TRIM44: variants seen among roughly 807,000 people sequenced by gnomAD.
The protein encoded by TRIM44 is tripartite motif containing 44, also known as tripartite motif-containing protein 44.
In TRIM44, 13 loss-of-function variants were observed where a neutral mutation model predicts 37.4. The observed-to-expected ratio is 0.35, with a 90% CI of 0.23 to 0.55. The LOEUF (loss-of-function observed/expected upper bound fraction) is 0.55, where lower values mean the gene tolerates loss of function less well. Ranked by LOEUF, TRIM44 falls within the 20% of genes least tolerant of loss-of-function variation. The pLI is 0.89. For synonymous variants in TRIM44, 175 were observed against 157.2 expected (o/e 1.11, Z -0.85); for missense variants, 426 against 437.2 (o/e 0.97, Z 0.23).
chr11:35,777,012 T>A (rs1359167406), intron 4 of TRIM44, among the ~76,000 whole-genome samples: 4 of 152,194 alleles, frequency 2.6e-5, no homozygotes, highest in Admixed American at 6.5e-5. Flanking sequence ...GATATCCTTG[T>A]TAACCTTCTG....
chr11:35,748,477 A>G lies in TRIM44; in HGVS notation c.1007+13032A>G, dbSNP rs151303660. On this transcript the variant is annotated intron_variant, in intron 4 of 4. Transcript: ENST00000299413. Reference sequence around the variant, plus strand: ...CAAAACAATTTAGGAAAAACATGCTATTAATATTCTCATAACAGACTCAGA... The same window carrying G: ...CAAAACAATTTAGGAAAAACATGCTGTTAATATTCTCATAACAGACTCAGA... Among the ~76,000 whole-genome samples the G allele has an allele frequency of 1.8e-3, 280 of 152,320 alleles. 2 individuals are homozygous for G. Among genetic ancestry groups the G allele is most frequent in the African/African-American group, 6.5e-3 (269 of 41,572 alleles).
intron 4 of TRIM44, among the ~76,000 whole-genome samples, chr11:35,785,627 T>C (rs1853121587): frequency 1.3e-5 from 2 of 152,236 alleles, no homozygotes; most frequent in African/African-American, 4.8e-5. Context: ...CTGATTCTCC[T>C]TCAGTTTGCT....
intron 4 of TRIM44, among the ~76,000 whole-genome samples, chr11:35,736,875 A>G (rs959284512): frequency 7.2e-5 from 11 of 152,012 alleles, no homozygotes; most frequent in Admixed American, 1.3e-4. Flanking sequence ...CCTTTTGTTC[A>G]TTTAACATAT....
chr11:35,720,430 CT>C (rs151193094), intron 2 of TRIM44, among the ~76,000 whole-genome samples: 2 of 144,622 alleles, frequency 1.4e-5, no homozygotes, highest in Non-Finnish European at 1.5e-5. Flanking sequence ...TTTTTTTTTC[CT>C]TTTTTTTTGG....
chr11:35,779,524 C>G (rs577311553), intron 4 of TRIM44, among the ~76,000 whole-genome samples: 1 of 152,176 alleles, frequency 6.6e-6, no homozygotes. Flanking sequence ...CTATTGCTCA[C>G]GCTGGGAGCT....
chr11:35,759,743 G>A (rs369470869), intron 4 of TRIM44, among the ~76,000 whole-genome samples: 1 of 152,184 alleles, frequency 6.6e-6, no homozygotes, highest in South Asian at 2.1e-4. Flanking sequence ...AGGTCTGTTG[G>A]AGTTTCCTGG....
At chr11:35,734,769 T>C (rs1308397360) in intron 3 of TRIM44, among the ~76,000 whole-genome samples, 3 of 152,104 alleles carry the variant, frequency 2.0e-5, no homozygotes, top group Admixed American at 2.0e-4. Context: ...TTTTGAAAAG[T>C]GGGCAAGAAA....
At chr11:35,678,696 C>T (rs1851491903) in intron 1 of TRIM44, among the ~76,000 whole-genome samples, 1 of 152,036 alleles carries the variant, frequency 6.6e-6, no homozygotes, top group African/African-American at 2.4e-5. Context: ...GCAACCTCCA[C>T]CTCCTGGGTT....
chr11:35,712,187 G>T (rs1285577020), intron 2 of TRIM44, among the ~76,000 whole-genome samples: 3 of 152,146 alleles, frequency 2.0e-5, no homozygotes, highest in South Asian at 2.1e-4. Flanking sequence ...TCTGCCTTGG[G>T]AGTGTGTAGT....
At chr11:35,763,998 G>T (rs1852760858) in intron 4 of TRIM44, among the ~76,000 whole-genome samples, 2 of 152,168 alleles carry the variant, frequency 1.3e-5, no homozygotes, top group South Asian at 4.1e-4. Context: ...TAGCCAGGAG[G>T]TCTGTTTGGA....
At chr11:35,740,678 G>A (rs1019881483) in intron 4 of TRIM44, among the ~76,000 whole-genome samples, 3 of 152,164 alleles carry the variant, frequency 2.0e-5, no homozygotes, top group African/African-American at 7.2e-5. Context: ...GATTCTGTCT[G>A]TGACTGACTG....
At chr11:35,697,214 TCC>T (rs1851714608) in intron 2 of TRIM44, among the ~76,000 whole-genome samples, 1 of 71,506 alleles carries the variant, frequency 1.4e-5, no homozygotes, top group Non-Finnish European at 2.8e-5. Flanking sequence ...TCCCTCCCCC[TCC>T]CCCCACCCCA....
At chr11:35,720,074 A>G (rs1279475097) in intron 2 of TRIM44, among the ~76,000 whole-genome samples, 2 of 152,218 alleles carry the variant, frequency 1.3e-5, no homozygotes, top group Admixed American at 6.5e-5. Context: ...TATCCACAAA[A>G]TAACTTGCTA....
chr11:35,809,663 T>G lies in TRIM44; in HGVS notation c.*3278T>G, dbSNP rs544689080. The G allele has an allele frequency of 6.6e-6, 1 of 152,278 alleles. No individual in the cohort carries two copies. The highest frequency in any genetic ancestry group is 1.9e-4 in the East Asian group (1 of 5,176). 9.4% of individuals were successfully genotyped at this position (152,278 alleles called of 1,614,324 possible). A position where few individuals can be genotyped will look rare whatever the true frequency, so the allele number is the denominator to read the frequency against. On this transcript the variant is annotated 3_prime_UTR_variant, in exon 5 of 5. Coordinates refer to ENST00000299413, the MANE Select transcript of TRIM44 (RefSeq NM_017583.6). ...GTTCTGCTCTCTACTCAACTTTATT[T>G]GAAAATGTCTGCAGCTTCACTCCTG...
chr11:35,783,086 C>G (rs1853086331), intron 4 of TRIM44, among the ~76,000 whole-genome samples: 1 of 152,166 alleles, frequency 6.6e-6, no homozygotes, highest in Non-Finnish European at 1.5e-5. Flanking sequence ...AAGTGCTTTA[C>G]ATATGTTCTC....
chr11:35,786,064 G>A lies in TRIM44; in HGVS notation c.1008-20294G>A, dbSNP rs187238199. On this transcript the variant is annotated intron_variant, in intron 4 of 4. Coordinates refer to ENST00000299413, the MANE Select transcript of TRIM44 (RefSeq NM_017583.6). ...TTTTCAACCATAAATAGCTCCTACT[G>A]AATGAGAATAAGTTAATACCAAACT... 1.8e-3 allele frequency among the ~76,000 whole-genome samples: 280 copies of A among 152,252 alleles called. 2 individuals carry two copies. Among genetic ancestry groups the A allele is most frequent in the African/African-American group, 6.5e-3 (269 of 41,558 alleles).
intron 1 of TRIM44, among the ~76,000 whole-genome samples, chr11:35,671,053 G>A (rs111493835): frequency 2.0e-5 from 3 of 152,312 alleles, no homozygotes; most frequent in African/African-American, 7.2e-5. Flanking sequence ...GAAGAGGATC[G>A]TTGTTATACT....
chr11:35,723,311 A>G lies in TRIM44; in HGVS notation c.748-2613A>G, dbSNP rs1032466324. ...GTTCAATAGGTAGTTCTGACCATAC[A>G]GTGGTCAAAATTTTCAAATTGCAGT... On this transcript the variant is annotated intron_variant, in intron 2 of 4. Coordinates refer to ENST00000299413, the MANE Select transcript of TRIM44 (RefSeq NM_017583.6). Among the ~76,000 whole-genome samples the G allele has an allele frequency of 6.6e-5, 10 of 152,198 alleles. No homozygotes were observed. In the South Asian group the frequency reaches 1.4e-3, roughly 22 times the overall value.
intron 2 of TRIM44, among the ~76,000 whole-genome samples, chr11:35,694,580 G>GA (rs1453546933): frequency 2.0e-5 from 3 of 151,834 alleles, no homozygotes; most frequent in Admixed American, 6.6e-5. Flanking sequence ...GCATAAACAA[G>GA]AAAAAATATT....
Sources: gnomAD v4.1 joint callset for allele counts (sites outside exome capture counted in the v4.1 genomes callset) on GRCh38, gnomAD v4.1.1 for gene constraint, MANE v1.5 for transcripts, NCBI Gene and HGNC (gene_info 2026-07-23, HGNC 2026-07-21) for gene names.